Variants in ARSB observed in about 807,000 individuals in gnomAD.
The protein encoded by ARSB is arylsulfatase B, also known as N-acetylgalactosamine-4-sulfatase.
In ARSB, 41 loss-of-function variants were observed where a neutral mutation model predicts 50.9. The observed-to-expected ratio is 0.81, with a 90% CI of 0.63 to 1.04. The LOEUF is 1.04. Ranked by LOEUF, ARSB falls within the 50% of genes least tolerant of loss-of-function variation. ARSB has a pLI of 0.00. For missense variants in ARSB, 672 were observed against 693.3 expected, an observed-to-expected ratio of 0.97 and a Z score of 0.35; for synonymous variants, 269 against 284.8, an observed-to-expected ratio of 0.94 and a Z score of 0.56.
intron 4 of ARSB, among the ~76,000 whole-genome samples, chr5:78,945,801 C>T (rs1751202590): frequency 6.6e-6 from 1 of 152,154 alleles, no homozygotes; most frequent in Admixed American, 6.5e-5. Flanking sequence ...GTTCCTTTCT[C>T]ACAGGCTAGA....
At chr5:78,914,707 C>G (rs144775246) in intron 4 of ARSB, among the ~76,000 whole-genome samples, 1 of 152,174 alleles carries the variant, frequency 6.6e-6, no homozygotes, top group Non-Finnish European at 1.5e-5. Context: ...GACAGAGTCT[C>G]GCTCTGTCAC....
chr5:78,854,550 CTT>C (rs1230540472), intron 5 of ARSB, among the ~76,000 whole-genome samples: 4 of 152,214 alleles, frequency 2.6e-5, no homozygotes, highest in Admixed American at 1.3e-4. Flanking sequence ...AAAAGTTCCT[CTT>C]GTTATTGATT....
In ARSB at chr5:78,931,449, C is replaced by T. The variant is rs1750323744; in HGVS notation, c.898+23846G>A. On this transcript the variant is annotated intron_variant, in intron 4 of 7. Coordinates refer to ENST00000264914, the MANE Select transcript of ARSB (RefSeq NM_000046.5). ...CAAAAGCACCAGCATCTATTTTCCG[C>T]TCATTCATGAATGCATATTCCTCAC... Among the ~76,000 whole-genome samples the T allele has an allele frequency of 3.3e-5, 5 of 152,252 alleles. No homozygotes were observed. The South Asian group carries it at 1.0e-3, about 32-fold the overall frequency.
intron 5 of ARSB, among the ~76,000 whole-genome samples, chr5:78,842,253 G>A (rs1407880282): frequency 6.6e-6 from 1 of 152,164 alleles, no homozygotes; most frequent in East Asian, 1.9e-4. Context: ...GGACAGAAAC[G>A]GAGCTTGTCG....
At chr5:78,825,367 T>C (rs980156075) in intron 6 of ARSB, among the ~76,000 whole-genome samples, 2 of 152,248 alleles carry the variant, frequency 1.3e-5, no homozygotes, top group Non-Finnish European at 2.9e-5. Flanking sequence ...AAAAAATGTT[T>C]ATTCATTTCA....
chr5:78,840,124 T>C (rs765902373), intron 5 of ARSB, among the ~76,000 whole-genome samples: 4 of 152,178 alleles, frequency 2.6e-5, no homozygotes, highest in Non-Finnish European at 4.4e-5. Context: ...CTTAAGAAAT[T>C]GGGAGCATAA....
chr5:78,882,751 T>TTGTTTCTA (rs2112198853), intron 5 of ARSB: 1 of 151,194 alleles, frequency 6.6e-6, no homozygotes, highest in East Asian at 1.9e-4. Context: ...TTTATAGTAG[T>TTGTTTCTA]TGTTTCTAGG....
intron 2 of ARSB, among the ~76,000 whole-genome samples, chr5:78,966,574 T>A (rs1752214825): frequency 6.6e-6 from 1 of 152,234 alleles, no homozygotes; most frequent in Non-Finnish European, 1.5e-5. Flanking sequence ...AGCTGTGTGG[T>A]CATCATAACC....
chr5:78,889,643 A>C (rs1748189778), intron 4 of ARSB, among the ~76,000 whole-genome samples: 1 of 152,238 alleles, frequency 6.6e-6, no homozygotes, highest in Admixed American at 6.5e-5. Flanking sequence ...CTATTGAACA[A>C]AAATAACTGT....
At position 78,837,731 on chromosome 5, in the gene ARSB, G is replaced by A. The variant is rs141432601; in HGVS notation, c.1213+1625C>T. On this transcript the variant is annotated intron_variant, in intron 6 of 7. Transcript: ENST00000264914. Reference sequence around the variant, plus strand: ...ATAGGTGTACTAAGTCTTGAAAATCGGATGTATATATTCTACTCACAGCAC... The same window carrying A: ...ATAGGTGTACTAAGTCTTGAAAATCAGATGTATATATTCTACTCACAGCAC... 5.5e-4 allele frequency among the ~76,000 whole-genome samples: 83 copies of A among 152,076 alleles called. 1 individual carries two copies. The highest frequency in any genetic ancestry group is 1.8e-3 in the African/African-American group (75 of 41,480).
intron 5 of ARSB, among the ~76,000 whole-genome samples, chr5:78,853,689 C>T (rs1001996960): frequency 6.6e-6 from 1 of 152,248 alleles, no homozygotes; most frequent in Non-Finnish European, 1.5e-5. Context: ...AGGCAGGCCT[C>T]CTTGAGCTGT....
chr5:78,805,675 A>G (rs1421168187), intron 6 of ARSB, among the ~76,000 whole-genome samples: 1 of 152,254 alleles, frequency 6.6e-6, no homozygotes, highest in African/African-American at 2.4e-5. Flanking sequence ...TATGGTCAGC[A>G]TGCCTTTGTC....
intron 4 of ARSB, among the ~76,000 whole-genome samples, chr5:78,911,572 TAAAAAAAAAAAAAAAAAAAAAA>T (rs71001137): frequency 4.4e-4 from 30 of 67,868 alleles, no homozygotes; most frequent in Middle Eastern, 7.8e-3. Flanking sequence ...AGACTCCCTC[TAAAAAAAAAAAAAAAAAAAAAA>T]AAAAAAAAAA....
chr5:78,985,302 T>C lies in ARSB; in HGVS notation c.-54A>G. The C allele has an allele frequency of 8.0e-7, 1 of 1,242,246 alleles. No homozygotes were observed. The highest frequency in any genetic ancestry group is 1.0e-6 in the Non-Finnish European group (1 of 993,352). 77.0% of individuals were successfully genotyped at this position (1,242,246 alleles called of 1,614,324 possible). A position where few individuals can be genotyped will look rare whatever the true frequency, so the allele number is the denominator to read the frequency against. The stretch of plus-strand genomic sequence containing the variant: ...TGGCGCCACCAGCCCCTTGTACCGC[T>C]GATAGAATGAGGAACTGGGCTGCCG... On this transcript the variant is annotated 5_prime_UTR_variant, in exon 1 of 8. Coordinates refer to ENST00000264914, the MANE Select transcript of ARSB (RefSeq NM_000046.5).
intron 1 of ARSB, among the ~76,000 whole-genome samples, chr5:78,970,155 T>C (rs1388942742): frequency 6.7e-6 from 1 of 149,454 alleles, no homozygotes; most frequent in East Asian, 2.0e-4. Flanking sequence ...CACAATTATA[T>C]GAAAAGGATA....
chr5:78,900,961 C>T (rs1265663167), intron 4 of ARSB, among the ~76,000 whole-genome samples: 1 of 151,276 alleles, frequency 6.6e-6, no homozygotes, highest in Non-Finnish European at 1.5e-5. Flanking sequence ...ATGGTGTGAA[C>T]CCGGGACCTG....
At chr5:78,829,172 A>AG (rs34286642) in intron 6 of ARSB, among the ~76,000 whole-genome samples, 1 of 152,266 alleles carries the variant, frequency 6.6e-6, no homozygotes, top group Non-Finnish European at 1.5e-5. Flanking sequence ...GACCCATGTC[A>AG]GACTTCTGAC....
At chr5:78,927,582 A>G (rs1379189610) in intron 4 of ARSB, among the ~76,000 whole-genome samples, 2 of 152,218 alleles carry the variant, frequency 1.3e-5, no homozygotes, top group Non-Finnish European at 2.9e-5. Flanking sequence ...CACACACCGG[A>G]AAGAATAGAA....
intron 4 of ARSB, among the ~76,000 whole-genome samples, chr5:78,929,520 G>A (rs961624004): frequency 2.0e-5 from 3 of 152,182 alleles, no homozygotes; most frequent in Non-Finnish European, 2.9e-5. Flanking sequence ...GCCCGGCGCA[G>A]TGGCTCACTC....
Sources: gnomAD v4.1 joint callset for allele counts (sites outside exome capture counted in the v4.1 genomes callset) on GRCh38, gnomAD v4.1.1 for gene constraint, MANE v1.5 for transcripts, NCBI Gene and HGNC (gene_info 2026-07-23, HGNC 2026-07-21) for gene names.